Variants in SLC4A10 observed in about 807,000 individuals in gnomAD.
SLC4A10 encodes solute carrier family 4 member 10, also known as sodium-driven chloride bicarbonate exchanger.
A neutral mutation model predicts 137.7 loss-of-function variants in SLC4A10; 42 were observed. The ratio of observed to expected loss-of-function variants is 0.30; its 90% CI spans 0.24 to 0.39. SLC4A10 has a LOEUF of 0.39. Among genes scored for constraint, SLC4A10 ranks in the 10% least tolerant of loss-of-function variants. SLC4A10 has a pLI of 1.00. For synonymous variants in SLC4A10, 474 were observed against 464.1 expected (o/e 1.02, Z -0.27); for missense variants, 925 against 1,355.0 (o/e 0.68, Z 4.98).
chr2:161,844,499 GT>G (rs1211395194), intron 4 of SLC4A10, among the ~76,000 whole-genome samples: 1 of 151,966 alleles, frequency 6.6e-6, no homozygotes, highest in Non-Finnish European at 1.5e-5. Context: ...AAAAGAGGAT[GT>G]TTTTTTCTTG....
chr2:161,806,780 C>T (rs1245907714), intron 3 of SLC4A10, among the ~76,000 whole-genome samples: 3 of 152,178 alleles, frequency 2.0e-5, no homozygotes, highest in African/African-American at 7.2e-5. Context: ...CCCACATTTT[C>T]CTATCTTCTT....
intron 4 of SLC4A10, among the ~76,000 whole-genome samples, chr2:161,843,176 C>T (rs1027743949): frequency 8.8e-4 from 134 of 152,190 alleles, no homozygotes; most frequent in African/African-American, 3.2e-3. Flanking sequence ...CAAATAGTGA[C>T]CCATTCATTT....
At chr2:161,943,542 T>G (rs1693142761) in intron 16 of SLC4A10, among the ~76,000 whole-genome samples, 1 of 152,102 alleles carries the variant, frequency 6.6e-6, no homozygotes, top group Non-Finnish European at 1.5e-5. Flanking sequence ...ATTTCTCTAT[T>G]TTTCTGAATC....
intron 1 of SLC4A10, among the ~76,000 whole-genome samples, chr2:161,637,199 A>G (rs1482983353): frequency 6.7e-6 from 1 of 150,154 alleles, no homozygotes; most frequent in Non-Finnish European, 1.5e-5. Flanking sequence ...AGAGAGAGAG[A>G]GAAAGAGAGA....
Position 161,976,895 on chromosome 2 carries a change from T to C in SLC4A10, c.3344+19T>C. On this transcript the variant is annotated intron_variant, in intron 25 of 26. Transcript: ENST00000446997. ...CCAAAAGGTTTGGATTTTAAAATAA[T>C]GAGAATTTATACTAATTCCAATTGT... 2 of 1,331,276 alleles carry C rather than the reference T, an allele frequency of 1.5e-6. No individual in the cohort carries two copies. Among genetic ancestry groups the C allele is most frequent in the Non-Finnish European group, 2.1e-6 (2 of 956,410 alleles). The allele number at this position is 1,331,276 out of a possible 1,614,324, so 82.5% of individuals were successfully genotyped here. A position where few individuals can be genotyped will look rare whatever the true frequency, so the allele number is the denominator to read the frequency against.
chr2:161,892,881 A>C (rs1448883953), intron 10 of SLC4A10, among the ~76,000 whole-genome samples: 1 of 152,122 alleles, frequency 6.6e-6, no homozygotes, highest in Non-Finnish European at 1.5e-5. Context: ...TGATAAGATA[A>C]ATTAGGTTAT....
intron 2 of SLC4A10, among the ~76,000 whole-genome samples, chr2:161,792,656 T>C (rs1005031054): frequency 2.6e-5 from 4 of 152,060 alleles, no homozygotes; most frequent in Non-Finnish European, 4.4e-5. Context: ...TTCTATAGAG[T>C]CCTCTCACAA....
At chr2:161,696,146 C>T (rs1190611293) in intron 1 of SLC4A10, among the ~76,000 whole-genome samples, 4 of 148,520 alleles carry the variant, frequency 2.7e-5, no homozygotes, top group Non-Finnish European at 6.0e-5. Context: ...CCCACCTATG[C>T]ATGAGAACAT....
At chr2:161,978,108 G>A (rs1207698795) in intron 26 of SLC4A10, among the ~76,000 whole-genome samples, 2 of 152,124 alleles carry the variant, frequency 1.3e-5, no homozygotes, top group Admixed American at 1.3e-4. Flanking sequence ...AAGCTTGCCT[G>A]GTGTGGTGAC....
At chr2:161,888,128 T>C (rs1024116274) in intron 10 of SLC4A10, among the ~76,000 whole-genome samples, 3 of 152,168 alleles carry the variant, frequency 2.0e-5, no homozygotes, top group African/African-American at 4.8e-5. Flanking sequence ...AATGGCATTA[T>C]TTCTGAGGTC....
intron 1 of SLC4A10, among the ~76,000 whole-genome samples, chr2:161,718,540 CTTAA>C (rs1322332680): frequency 6.6e-6 from 1 of 152,080 alleles, no homozygotes; most frequent in African/African-American, 2.4e-5. Flanking sequence ...TGATTTTTGC[CTTAA>C]TTATTTTATT....
At chr2:161,975,199 CT>C (rs1038862637) in intron 24 of SLC4A10, among the ~76,000 whole-genome samples, 27 of 152,050 alleles carry the variant, frequency 1.8e-4, no homozygotes, top group Admixed American at 1.4e-3. Flanking sequence ...GATGTTTTAT[CT>C]TTTTTTTCTT....
intron 1 of SLC4A10, among the ~76,000 whole-genome samples, chr2:161,715,731 C>T (rs1559092533): frequency 6.6e-6 from 1 of 152,064 alleles, no homozygotes; most frequent in Admixed American, 6.6e-5. Flanking sequence ...TTTCTTTATC[C>T]AGCCTATCAT....
intron 2 of SLC4A10, among the ~76,000 whole-genome samples, chr2:161,787,104 C>A (rs1331297630): frequency 1.3e-5 from 2 of 152,020 alleles, no homozygotes; most frequent in South Asian, 4.1e-4. Context: ...TTTCTTATAG[C>A]ACCAGTCTCA....
At chr2:161,900,197 T>TA (rs1258864638) in intron 11 of SLC4A10, among the ~76,000 whole-genome samples, 2 of 152,106 alleles carry the variant, frequency 1.3e-5, no homozygotes, top group Non-Finnish European at 2.9e-5. Context: ...GCAGGTGGAA[T>TA]AGACCATGGG....
At chr2:161,916,305 G>A (rs193254900) in intron 15 of SLC4A10, among the ~76,000 whole-genome samples, 26 of 152,238 alleles carry the variant, frequency 1.7e-4, no homozygotes, top group Non-Finnish European at 3.2e-4. Context: ...AAAAAATCAT[G>A]GATTTATTCT....
chr2:161,864,200 T>TA, intron 6 of SLC4A10, among the ~76,000 whole-genome samples: 1 of 150,112 alleles, frequency 6.7e-6, no homozygotes, highest in Non-Finnish European at 1.5e-5. Flanking sequence ...AGACTCTGTC[T>TA]CAAAAAAAAA....
chr2:161,882,286 G>T, intron 9 of SLC4A10, 71 bp from the exon 10 acceptor site: 1 of 819,560 alleles, frequency 1.2e-6, no homozygotes, highest in South Asian at 2.2e-5. Flanking sequence ...CCTTTGAGAT[G>T]AGTGATTCTG....
At position 161,949,240 on chromosome 2, in the gene SLC4A10, A is replaced by G. The variant is rs1414287507; in HGVS notation, c.2358A>G (p.Leu786=). ...CCATTGGGATCCCATCTCCAAAACT[A>G]CAAGTACCAAGTGTTTTCAAGGTAC... is the stretch of plus-strand genomic sequence containing the variant. The part of the protein sequence containing the change: ...DYAIGIPSPK[L]QVPSVFKPTR... Residue 786 remains leucine, a synonymous_variant, in exon 18 of 27, where the codon CTA becomes CTG. Transcript: ENST00000446997. The G allele has an allele frequency of 1.2e-6, 2 of 1,610,020 alleles. No homozygotes were observed. Among genetic ancestry groups the G allele is most frequent in the South Asian group, 1.1e-5 (1 of 90,888 alleles).
Sources: allele counts gnomAD v4.1 joint callset (sites outside exome capture counted in the v4.1 genomes callset), GRCh38; gene constraint gnomAD v4.1.1; transcripts MANE v1.5; gene names NCBI Gene and HGNC (gene_info 2026-07-23, HGNC 2026-07-21).